OGDH: variants seen among roughly 807,000 people sequenced by gnomAD.
OGDH encodes 2-oxoglutarate dehydrogenase complex component E1.
Under a neutral mutation model 116.6 loss-of-function variants are expected in OGDH, and 38 were observed. The ratio of observed to expected loss-of-function variants is 0.33; its 90% confidence interval spans 0.25 to 0.43. The LOEUF is 0.43. Ranked by LOEUF, OGDH falls within the 20% of genes least tolerant of loss-of-function variation. OGDH has a pLI of 1.00. For synonymous variants in OGDH, 488 were observed against 533.3 expected (o/e 0.92, Z 1.17); for missense variants, 825 against 1,357.2 (o/e 0.61, Z 6.16).
chr7:44,630,840 G>C (rs1451243494), intron 2 of OGDH, among the ~76,000 whole-genome samples: 2 of 152,226 alleles, frequency 1.3e-5, no homozygotes, highest in Admixed American at 1.3e-4. Flanking sequence ...GATCAGGGGA[G>C]GATGGCTTTG....
At chr7:44,685,638 A>G (rs1788096866) in intron 10 of OGDH, among the ~76,000 whole-genome samples, 1 of 150,224 alleles carries the variant, frequency 6.7e-6, no homozygotes, top group African/African-American at 2.5e-5. Context: ...TTTTCCTTTG[A>G]GACGGGGTCT....
chr7:44,633,463 G>T (rs76133654), intron 2 of OGDH, among the ~76,000 whole-genome samples: 3 of 152,102 alleles, frequency 2.0e-5, no homozygotes, highest in Admixed American at 6.5e-5. Context: ...TTACTAAAAG[G>T]TTAGTGCCGG....
chr7:44,632,382 C>G (rs1785478656), intron 2 of OGDH, among the ~76,000 whole-genome samples: 1 of 152,134 alleles, frequency 6.6e-6, no homozygotes, highest in Non-Finnish European at 1.5e-5. Flanking sequence ...AACTTCTGGG[C>G]TCAAGTAATC....
chr7:44,685,422 T>C (rs1025797071), intron 10 of OGDH, among the ~76,000 whole-genome samples: 44 of 152,216 alleles, frequency 2.9e-4, no homozygotes, highest in African/African-American at 9.9e-4. Flanking sequence ...TCAAGGTCCA[T>C]CCACGTTATA....
At chr7:44,627,099 C>T (rs1216417152) in intron 2 of OGDH, among the ~76,000 whole-genome samples, 6 of 152,170 alleles carry the variant, frequency 3.9e-5, no homozygotes, top group South Asian at 2.1e-4. Context: ...GAGGCTCAAG[C>T]GATTCTCCTG....
At chr7:44,668,246 G>A (rs929509611) in intron 5 of OGDH, among the ~76,000 whole-genome samples, 2 of 152,154 alleles carry the variant, frequency 1.3e-5, no homozygotes, top group Non-Finnish European at 2.9e-5. Flanking sequence ...AGACCAGCCT[G>A]GCCAAGATCG....
chr7:44,650,031 G>T (rs531300426), intron 4 of OGDH, among the ~76,000 whole-genome samples: 1 of 152,232 alleles, frequency 6.6e-6, no homozygotes, highest in South Asian at 2.1e-4. Flanking sequence ...TGACATCTCT[G>T]GCCAGGAGCC....
chr7:44,624,312 T>TTA lies in OGDH; in HGVS notation c.-27-5_-27-4insTA. 8.0e-7 allele frequency: 1 copy of TTA among 1,255,814 alleles called. No homozygotes were observed. Among genetic ancestry groups the TTA allele is most frequent in the Non-Finnish European group, 1.1e-6 (1 of 905,952 alleles). The allele number at this position is 1,255,814 out of a possible 1,614,324, so 77.8% of individuals were successfully genotyped here. On this transcript the variant is annotated splice_region_variant and splice_polypyrimidine_tract_variant and intron_variant, in intron 1 of 22. Transcript: ENST00000222673. ...TCTTGTTTTTTTTTTTTTTTTTTTG[T>TTA]ACAGGCAGTTGTGAAAAACTTCAGG...
At chr7:44,613,881 A>T (rs1048795391) in intron 1 of OGDH, among the ~76,000 whole-genome samples, 1 of 138,740 alleles carries the variant, frequency 7.2e-6, no homozygotes, top group Non-Finnish European at 1.5e-5. Flanking sequence ...ATCTCAGCTC[A>T]CTGCAACCTC....
chr7:44,624,243 C>T, intron 1 of OGDH, 74 bp from the exon 2 acceptor site: 1 of 988,154 alleles, frequency 1.0e-6, no homozygotes, highest in Admixed American at 2.3e-5. Flanking sequence ...GCATCAGGAT[C>T]TAGTAGCCTT....
intron 10 of OGDH, among the ~76,000 whole-genome samples, chr7:44,682,126 G>A (rs1013378327): frequency 1.3e-5 from 2 of 152,136 alleles, no homozygotes; most frequent in Non-Finnish European, 2.9e-5. Context: ...CGGGTGCAGT[G>A]GCTCAGTCCT....
In OGDH at chr7:44,696,447, G is replaced by A. The variant is rs1451469819; in HGVS notation, c.1790G>A (p.Gly597Glu). Residue 597 changes from glycine to glutamate, a missense_variant, in exon 14 of 23, where the codon GGG becomes GAG. This residue lies in a region of OGDH where 92 missense variants were observed against 129.7 expected (regional missense o/e 0.71). Transcript: ENST00000222673. The stretch of plus-strand genomic sequence containing the variant: ...CTCCTAGGCTTCTTCACCCTGGACG[G>A]GCAGCCCAGGAGCATGTCCTGCCCC... ...SPWPGFFTLD[G>E]QPRSMSCPST... 1 of 1,613,848 alleles carries A rather than the reference G, an allele frequency of 6.2e-7. No individual in the cohort carries two copies. Among genetic ancestry groups the A allele is most frequent in the Non-Finnish European group, 8.5e-7 (1 of 1,179,966 alleles).
In OGDH at chr7:44,694,878, G is replaced by C. The variant is rs963821860; in HGVS notation, c.1668+302G>C. Reference sequence around the variant, plus strand: ...TTCACAAATTGTGCATGGTTGAGAGGTGGGTGGTGGATCCAGCTTGGTAAG... The same window carrying C: ...TTCACAAATTGTGCATGGTTGAGAGCTGGGTGGTGGATCCAGCTTGGTAAG... On this transcript the variant is annotated intron_variant, in intron 12 of 22. Transcript: ENST00000222673. The surrounding 1 kb of genome is among the most constrained non-coding windows in gnomAD (Gnocchi z 4.2). 3.9e-5 allele frequency among the ~76,000 whole-genome samples: 6 copies of C among 152,170 alleles called. No individual in the cohort carries two copies. Among genetic ancestry groups the C allele is most frequent in the Admixed American group, 3.9e-4 (6 of 15,264 alleles).
At chr7:44,607,090 C>G (rs1273675194) in intron 1 of OGDH, among the ~76,000 whole-genome samples, 1 of 152,196 alleles carries the variant, frequency 6.6e-6, no homozygotes, top group Admixed American at 6.5e-5. Flanking sequence ...GACGCACTCT[C>G]CTTCCCGCCT....
intron 2 of OGDH, among the ~76,000 whole-genome samples, chr7:44,632,580 G>A (rs1347051303): frequency 1.3e-5 from 2 of 152,090 alleles, no homozygotes; most frequent in East Asian, 3.9e-4. Context: ...TGGGATTACA[G>A]GCGTGAGCCA....
intron 4 of OGDH, among the ~76,000 whole-genome samples, chr7:44,657,875 C>G (rs919650418): frequency 2.0e-5 from 3 of 151,904 alleles, no homozygotes; most frequent in African/African-American, 7.3e-5. Context: ...TCCAGTTGTT[C>G]TGGTGCCATT....
chr7:44,693,744 A>T, intron 10 of OGDH, 81 bp from the exon 11 acceptor site: 1 of 1,321,806 alleles, frequency 7.6e-7, no homozygotes, highest in African/African-American at 1.5e-5. Context: ...AGTGCATGCC[A>T]TGCCCGGCCT....
intron 4 of OGDH, among the ~76,000 whole-genome samples, chr7:44,653,323 C>T (rs1391670711): frequency 3.3e-5 from 5 of 152,072 alleles, no homozygotes; most frequent in African/African-American, 1.2e-4. Context: ...GAACTCCTGG[C>T]CTCAAGTGAG....
At chr7:44,607,891 G>A (rs961699335) in intron 1 of OGDH, among the ~76,000 whole-genome samples, 3 of 152,010 alleles carry the variant, frequency 2.0e-5, no homozygotes, top group African/African-American at 4.8e-5. Context: ...TAGTAGAGAC[G>A]GGTTTTCACC....
Sources: allele counts gnomAD v4.1 joint callset (sites outside exome capture counted in the v4.1 genomes callset), GRCh38; gene constraint gnomAD v4.1.1; regional missense constraint gnomAD v4.1.1; non-coding constraint Gnocchi (gnomAD v3.1); transcripts MANE v1.5; gene names NCBI Gene and HGNC (gene_info 2026-07-23, HGNC 2026-07-21).